OSBPL10: variants seen among roughly 807,000 people sequenced by gnomAD.
The protein encoded by OSBPL10 is oxysterol-binding protein-related protein 10.
OSBPL10 carries 49 observed loss-of-function variants against 81.7 expected under a neutral mutation model. That is an observed-to-expected ratio of 0.60 (90% confidence interval 0.48 to 0.76). The LOEUF is 0.76. Among genes scored for constraint, OSBPL10 ranks in the 30% least tolerant of loss-of-function variants. The pLI is 0.00. For missense variants in OSBPL10, 923 were observed against 987.8 expected, an observed-to-expected ratio of 0.93 and a Z score of 0.88; for synonymous variants, 419 against 383.6, an observed-to-expected ratio of 1.09 and a Z score of -1.08.
intron 4 of OSBPL10, among the ~76,000 whole-genome samples, chr3:31,811,835 C>T (rs1281224552): frequency 6.6e-6 from 1 of 152,078 alleles, no homozygotes; most frequent in African/African-American, 2.4e-5. Flanking sequence ...TCAGAGAGGT[C>T]TTTGTGGACA....
chr3:31,971,244 G>A (rs948714653), intron 1 of OSBPL10, among the ~76,000 whole-genome samples: 1 of 147,640 alleles, frequency 6.8e-6, no homozygotes, highest in Admixed American at 7.0e-5. Context: ...GGGTTCAAGC[G>A]ATTCTCCTGT....
intron 2 of OSBPL10, among the ~76,000 whole-genome samples, chr3:32,038,014 C>A (rs1307233001): frequency 6.6e-6 from 1 of 152,124 alleles, no homozygotes; most frequent in Admixed American, 6.6e-5. Context: ...ATTTATGGAG[C>A]AATGTACCAG....
Position 31,830,110 on chromosome 3 carries a change from TGC to T in OSBPL10, c.657_658del (p.His220SerfsTer40). On this transcript the variant is annotated frameshift_variant, in exon 4 of 12. Transcript: ENST00000396556. LOFTEE classifies it high-confidence loss of function. ...TCGGGCGGCTGCAGGCGACTTGTGA[TGC>T]GTGATTGTGACAACACCGGGGGCCC... is the stretch of plus-strand genomic sequence containing the variant. 6.2e-7 allele frequency: 1 copy of T among 1,614,122 alleles called. No homozygotes were observed. The highest frequency in any genetic ancestry group is 8.5e-7 in the Non-Finnish European group (1 of 1,180,028).
chr3:32,057,591 C>A (rs772068687), intron 1 of OSBPL10, among the ~76,000 whole-genome samples: 1 of 152,054 alleles, frequency 6.6e-6, no homozygotes, highest in Non-Finnish European at 1.5e-5. Context: ...TGGGAAGAGC[C>A]CTTTATAAAA....
chr3:31,678,932 A>C (rs1323429100), intron 8 of OSBPL10, among the ~76,000 whole-genome samples: 1 of 152,064 alleles, frequency 6.6e-6, no homozygotes, highest in Non-Finnish European at 1.5e-5. Context: ...CACTCAGCCA[A>C]CACAGGGATG....
At chr3:31,735,040 A>G (rs929554546) in intron 5 of OSBPL10, among the ~76,000 whole-genome samples, 1 of 152,250 alleles carries the variant, frequency 6.6e-6, no homozygotes, top group African/African-American at 2.4e-5. Context: ...GTGCTTATGC[A>G]CCTGTGTGCT....
chr3:31,937,112 G>A (rs1697397543), intron 1 of OSBPL10, among the ~76,000 whole-genome samples: 1 of 152,014 alleles, frequency 6.6e-6, no homozygotes, highest in South Asian at 2.1e-4. Flanking sequence ...GTGAAACCCT[G>A]TCTCTACTAA....
chr3:31,949,357 T>C (rs957297901), intron 1 of OSBPL10, among the ~76,000 whole-genome samples: 4 of 152,026 alleles, frequency 2.6e-5, no homozygotes, highest in African/African-American at 9.7e-5. Flanking sequence ...AATTGTGCAG[T>C]ACAAGAAATA....
chr3:31,744,929 C>A (rs1366264994), intron 5 of OSBPL10, among the ~76,000 whole-genome samples: 1 of 152,052 alleles, frequency 6.6e-6, no homozygotes, highest in Non-Finnish European at 1.5e-5. Flanking sequence ...GCAGAAGCTG[C>A]AAGTTACAAT....
chr3:31,663,259 A>T (rs1385432630), intron 11 of OSBPL10: 1 of 984,676 alleles, frequency 1.0e-6, no homozygotes, highest in Non-Finnish European at 1.2e-6. Flanking sequence ...GAGATTTCTC[A>T]TAAAAATTTA....
At chr3:31,991,119 G>A in intron 2 of OSBPL10, 1 of 850,490 alleles carries the variant, frequency 1.2e-6, no homozygotes, top group East Asian at 2.6e-5. Context: ...TTGACATTGA[G>A]TTCAAGCATT....
intron 1 of OSBPL10, among the ~76,000 whole-genome samples, chr3:32,068,730 A>G (rs372728003): frequency 2.0e-5 from 3 of 151,662 alleles, no homozygotes; most frequent in East Asian, 3.9e-4. Context: ...CATTTTTCAC[A>G]CTTCATTCTC....
At chr3:32,051,828 A>G (rs1408866293) in intron 1 of OSBPL10, among the ~76,000 whole-genome samples, 1 of 152,234 alleles carries the variant, frequency 6.6e-6, no homozygotes, top group Non-Finnish European at 1.5e-5. Context: ...TGTATGAAAG[A>G]GATCTAATTA....
chr3:31,663,832 CAT>C, intron 11 of OSBPL10: 4 of 1,404,184 alleles, frequency 2.8e-6, no homozygotes, highest in Non-Finnish European at 3.7e-6. Flanking sequence ...GCTTTTCTGA[CAT>C]AGGGATACTG....
At position 31,829,205 on chromosome 3, in the gene OSBPL10, G is replaced by A. The variant is rs936214412; in HGVS notation, c.729+835C>T. Among the ~76,000 whole-genome samples the A allele has an allele frequency of 4.6e-5, 7 of 152,094 alleles. No individual in the cohort carries two copies. The East Asian group carries it at 5.8e-4, about 13-fold the overall frequency. ...ACTTTCTCTAAGAGGAAAGCAAACT[G>A]GTCTGTACCCAAGTAAGCTGCAGAG... On this transcript the variant is annotated intron_variant, in intron 4 of 11. Transcript: ENST00000396556.
chr3:31,945,501 G>A (rs1052271779), intron 1 of OSBPL10, among the ~76,000 whole-genome samples: 1 of 152,162 alleles, frequency 6.6e-6, no homozygotes, highest in Non-Finnish European at 1.5e-5. Flanking sequence ...AAATTGTTTT[G>A]AATCAGTTGA....
chr3:32,031,538 T>A (rs1559552362), intron 2 of OSBPL10, among the ~76,000 whole-genome samples: 1 of 152,100 alleles, frequency 6.6e-6, no homozygotes, highest in Non-Finnish European at 1.5e-5. Context: ...CTTGGCTCAC[T>A]GCAACCTCTG....
intron 4 of OSBPL10, among the ~76,000 whole-genome samples, chr3:31,812,388 G>T (rs1699703414): frequency 6.6e-6 from 1 of 152,164 alleles, no homozygotes; most frequent in South Asian, 2.1e-4. Flanking sequence ...CCTAGGCAGG[G>T]TTAAAGGGCA....
At chr3:31,934,821 A>G (rs1186426596) in intron 1 of OSBPL10, among the ~76,000 whole-genome samples, 1 of 152,188 alleles carries the variant, frequency 6.6e-6, no homozygotes, top group African/African-American at 2.4e-5. Context: ...TGCTTACTAT[A>G]TATCACCCTG....
Sources: allele counts gnomAD v4.1 joint callset (sites outside exome capture counted in the v4.1 genomes callset), GRCh38; gene constraint gnomAD v4.1.1; transcripts MANE v1.5; gene names NCBI Gene and HGNC (gene_info 2026-07-23, HGNC 2026-07-21).